The following MAPK8IP3 variants were observed in gnomAD, a reference collection of about 807,000 sequenced individuals.
MAPK8IP3 encodes the protein C-Jun-amino-terminal kinase-interacting protein 3.
MAPK8IP3 carries 49 observed loss-of-function variants against 157.8 expected under a neutral mutation model. The ratio of observed to expected loss-of-function variants is 0.31; its 90% CI spans 0.25 to 0.39. The LOEUF (loss-of-function observed/expected upper bound fraction) is 0.39, where lower values mean the gene tolerates loss of function less well. Among genes scored for constraint, MAPK8IP3 ranks in the 10% least tolerant of loss-of-function variants. The probability of loss-of-function intolerance (pLI) is 1.00; values close to 1 mark genes in which losing one functional copy is unlikely to be tolerated. For missense variants in MAPK8IP3, 1,478 were observed against 1,889.4 expected (o/e 0.78, Z 4.04); for synonymous variants, 897 against 777.7 (o/e 1.15, Z -2.55).
chr16:1,759,009 C>T lies in MAPK8IP3; in HGVS notation c.1246+14C>T. ...ATGATTTCTTTGGTAAGGCTGAGGC[C>T]CCGTTCCAGCGTGCGTCGCTCCTCC... On this transcript the variant is annotated intron_variant, in intron 10 of 31. Transcript: ENST00000610761. 6.2e-7 allele frequency: 1 copy of T among 1,614,152 alleles called. No homozygotes were observed.
At position 1,762,966 on chromosome 16, in the gene MAPK8IP3, A is replaced by G. The variant is rs753729092; in HGVS notation, c.1858A>G (p.Ile620Val). The stretch of plus-strand genomic sequence containing the variant: ...GCGCCGCAACCATGCCATGTGCCCG[A>G]TCTCGGCAGGCAGCCGGCCCCTGGA... Reference protein sequence around the residue: ...SQRRNHAMCPISAGSRPLEFF... With the variant: ...SQRRNHAMCPVSAGSRPLEFF... The change falls in exon 16 of 32, where the codon ATC becomes GTC. Residue 620 changes from isoleucine to valine, a missense_variant. This residue lies in a region of MAPK8IP3 where 669 missense variants were observed against 759.8 expected (regional missense o/e 0.88). Transcript: ENST00000610761. The G allele has an allele frequency of 6.2e-7, 1 of 1,612,708 alleles. No individual in the cohort carries two copies. Among genetic ancestry groups the G allele is most frequent in the Non-Finnish European group, 8.5e-7 (1 of 1,179,964 alleles).
chr16:1,769,060 G>C lies in MAPK8IP3; in HGVS notation c.*236G>C. 3 of 567,816 alleles carry C rather than the reference G, an allele frequency of 5.3e-6. No individual in the cohort carries two copies. The highest frequency in any genetic ancestry group is 2.0e-5 in the South Asian group (1 of 49,542). 35.2% of individuals were successfully genotyped at this position (567,816 alleles called of 1,614,324 possible). On this transcript the variant is annotated 3_prime_UTR_variant, in exon 32 of 32. Coordinates refer to ENST00000610761, the MANE Select transcript of MAPK8IP3 (RefSeq NM_001318852.2). ...GAAGATGCTCTCGGGACAGTTTCCC[G>C]GGCAGCTCCTGGCCAGCTTCCAGCC...
intron 2 of MAPK8IP3, among the ~76,000 whole-genome samples, chr16:1,726,090 GT>G (rs1457460143): frequency 6.6e-6 from 1 of 152,196 alleles, no homozygotes; most frequent in Admixed American, 6.5e-5. Context: ...GAAAGAAACT[GT>G]TTTGATATGT....
intron 4 of MAPK8IP3, among the ~76,000 whole-genome samples, chr16:1,737,607 ACCG>A (rs2040093205): frequency 1.5e-5 from 1 of 68,892 alleles, no homozygotes; most frequent in Admixed American, 1.9e-4. Flanking sequence ...TGAGCGTGTG[ACCG>A]TCCGTGTGTG....
Position 1,743,753 on chromosome 16 carries a change from C to T in MAPK8IP3, c.747+277C>T. On this transcript the variant is annotated intron_variant, in intron 5 of 31. Coordinates refer to ENST00000610761, the MANE Select transcript of MAPK8IP3 (RefSeq NM_001318852.2). The surrounding 1 kb of genome is among the most constrained non-coding windows in gnomAD (Gnocchi z 5.6). ...TGCCCTTGGATAGACCGCTCTGTAG[C>T]CAGGGGTGTACAGTGCCTGTCAGGG... 1 of 1,338,666 alleles carries T rather than the reference C, an allele frequency of 7.5e-7. No homozygotes were observed. The highest frequency in any genetic ancestry group is 4.0e-5 in the Admixed American group (1 of 25,012). 82.9% of individuals were successfully genotyped at this position (1,338,666 alleles called of 1,614,324 possible).
intron 8 of MAPK8IP3, among the ~76,000 whole-genome samples, chr16:1,755,260 A>G (rs2041527890): frequency 6.6e-6 from 1 of 152,220 alleles, no homozygotes; most frequent in Non-Finnish European, 1.5e-5. Flanking sequence ...GAGTCAGTAA[A>G]TGTACTGCCT....
At chr16:1,756,338 C>G (rs1232979038) in intron 8 of MAPK8IP3, among the ~76,000 whole-genome samples, 2 of 152,146 alleles carry the variant, frequency 1.3e-5, no homozygotes, top group African/African-American at 4.8e-5. Flanking sequence ...CATGGCAAAA[C>G]CCCGTCTCTA....
Position 1,710,315 on chromosome 16 carries a change from GA to G in MAPK8IP3, c.318+3667del, listed in dbSNP as rs1189046418. On this transcript the variant is annotated intron_variant, in intron 1 of 31. Coordinates refer to ENST00000610761, the MANE Select transcript of MAPK8IP3 (RefSeq NM_001318852.2). This position sits in a 1 kb window ranked among gnomAD's most constrained non-coding sequence, Gnocchi z 4.1. ...CTGTCTCTACTAAAGAAAAAAAAAA[GA>G]AAAAAAAATTAGCCAGGTGTGGCGG... 5.3e-5 allele frequency among the ~76,000 whole-genome samples: 8 copies of G among 150,080 alleles called. No individual in the cohort carries two copies. Among genetic ancestry groups the G allele is most frequent in the South Asian group, 2.1e-4 (1 of 4,744 alleles).
At position 1,770,331 on chromosome 16, in the gene MAPK8IP3, G is replaced by C. The variant is rs560681148; in HGVS notation, c.*1507G>C. On this transcript the variant is annotated 3_prime_UTR_variant, in exon 32 of 32. Transcript: ENST00000610761. ...CTTAACGTCGTAGCTGCCTGTTCCT[G>C]GGCCCAAATCGAAACGAAAACGAGG... 9.4e-6 allele frequency: 3 copies of C among 319,986 alleles called. No homozygotes were observed. The highest frequency in any genetic ancestry group is 4.6e-5 in the Admixed American group (1 of 21,564). The allele number at this position is 319,986 out of a possible 1,614,324, so 19.8% of individuals were successfully genotyped here. A position where few individuals can be genotyped will look rare whatever the true frequency, so the allele number is the denominator to read the frequency against.
intron 4 of MAPK8IP3, among the ~76,000 whole-genome samples, chr16:1,733,971 G>C (rs1015639669): frequency 6.6e-6 from 1 of 152,246 alleles, no homozygotes; most frequent in African/African-American, 2.4e-5. Flanking sequence ...GTGGCTGTGT[G>C]GTAGGGGCCT....
At chr16:1,737,213 AGAGT>A (rs1472267545) in intron 4 of MAPK8IP3, among the ~76,000 whole-genome samples, 1 of 62,418 alleles carries the variant, frequency 1.6e-5, no homozygotes, top group Non-Finnish European at 2.9e-5. Flanking sequence ...ACCATCCGTG[AGAGT>A]GTGACCATCC....
Position 1,766,818 on chromosome 16 carries a change from A to G in MAPK8IP3, c.3020+15A>G. ...CTGAGCCTGGTGTGGGTGACCCCAG[A>G]CCGAGGGCCGGGCGGCGCGGGGGAA... On this transcript the variant is annotated intron_variant, in intron 24 of 31. Coordinates refer to ENST00000610761, the MANE Select transcript of MAPK8IP3 (RefSeq NM_001318852.2). The G allele has an allele frequency of 6.2e-7, 1 of 1,612,530 alleles. No homozygotes were observed. Among genetic ancestry groups the G allele is most frequent in the Non-Finnish European group, 8.5e-7 (1 of 1,179,900 alleles).
intron 13 of MAPK8IP3, 83 bp from the exon 14 acceptor site, chr16:1,762,268 T>TATAC: frequency 6.8e-7 from 1 of 1,477,102 alleles, no homozygotes; most frequent in Non-Finnish European, 9.0e-7. Flanking sequence ...GAGATCCACC[T>TATAC]ATACGTGTAG....
At chr16:1,758,859 G>A (rs1439782280) in intron 9 of MAPK8IP3, 119 bp from the exon 10 acceptor site, 2 of 1,074,016 alleles carry the variant, frequency 1.9e-6, no homozygotes, top group Non-Finnish European at 1.4e-6. Flanking sequence ...AGCAGACCCA[G>A]CTCTGAATTC....
chr16:1,721,856 G>A (rs540336130), intron 1 of MAPK8IP3, among the ~76,000 whole-genome samples: 11 of 152,240 alleles, frequency 7.2e-5, no homozygotes, highest in African/African-American at 1.9e-4. Flanking sequence ...TGCAACCTCC[G>A]CCTCCCGGGT....
At chr16:1,726,113 C>G (rs1473792842) in intron 2 of MAPK8IP3, among the ~76,000 whole-genome samples, 1 of 152,250 alleles carries the variant, frequency 6.6e-6, no homozygotes, top group Non-Finnish European at 1.5e-5. Context: ...AGACTTACTC[C>G]TATCCCCAGC....
intron 1 of MAPK8IP3, among the ~76,000 whole-genome samples, chr16:1,715,238 A>G (rs1190496157): frequency 6.6e-6 from 1 of 152,144 alleles, no homozygotes. Flanking sequence ...GCTAGTGGCC[A>G]GCTCTCTCAG....
chr16:1,747,137 G>A lies in MAPK8IP3; in HGVS notation c.856G>A (p.Val286Ile), dbSNP rs749671052. The A allele has an allele frequency of 6.8e-6, 11 of 1,613,886 alleles. No individual in the cohort carries two copies. The highest frequency in any genetic ancestry group is 4.5e-5 in the East Asian group (2 of 44,896). The change falls in exon 6 of 32, where the codon GTC (valine) becomes ATC (isoleucine). Residue 286 changes from valine (V) to isoleucine (I), a missense_variant. Physicochemically the swap from Val to Ile is conservative, Grantham distance 29. Transcript: ENST00000610761. The part of the protein sequence containing the change: ...TPTSSVPSAA[V>I]TPLNESLQPL... ...CACATCCTCCGTGCCCTCGGCCGCC[G>A]TCACACCCCTCAACGAGAGCCTGCA...
chr16:1,732,010 C>T (rs1486537167), intron 4 of MAPK8IP3, among the ~76,000 whole-genome samples: 1 of 152,140 alleles, frequency 6.6e-6, no homozygotes, highest in Admixed American at 6.6e-5. Flanking sequence ...GAATGGGTTC[C>T]TCTCCGTTTT....
Sources: gnomAD v4.1 joint callset for allele counts (sites outside exome capture counted in the v4.1 genomes callset) on GRCh38, gnomAD v4.1.1 for gene constraint, gnomAD v4.1.1 regional missense constraint, Gnocchi (gnomAD v3.1) non-coding constraint, MANE v1.5 for transcripts, NCBI Gene and HGNC (gene_info 2026-07-23, HGNC 2026-07-21) for gene names.